Variants in ZNF438 observed in about 807,000 individuals in gnomAD.
ZNF438 encodes zinc finger protein 438.
A neutral mutation model predicts 38.0 loss-of-function variants in ZNF438; 25 were observed. The observed-to-expected ratio is 0.66, with a 90% CI of 0.48 to 0.92. The LOEUF (loss-of-function observed/expected upper bound fraction) is 0.92, where lower values mean the gene tolerates loss of function less well. Ranked by LOEUF, ZNF438 falls within the 40% of genes least tolerant of loss-of-function variation. The pLI is 0.00. For missense variants in ZNF438, 1,007 were observed against 999.6 expected (o/e 1.01, Z -0.10); for synonymous variants, 372 against 364.1 (o/e 1.02, Z -0.25).
rs1462508534 is a variant in ZNF438 at position 30,957,938 on chromosome 10, T to C, written c.-191-16287A>G. ...TATGATTTGGTCTTGGTAGGCTGTA[T>C]GACCTTTGACCTTCCTGTGCCTGGA... On this transcript the variant is annotated intron_variant, in intron 1 of 5. Coordinates refer to ENST00000413025, the Ensembl canonical transcript of ZNF438. Among the ~76,000 whole-genome samples, 2 of 144,818 alleles carry C rather than the reference T, an allele frequency of 1.4e-5. 1 individual carries two copies. The highest frequency in any genetic ancestry group is 3.2e-5 in the Non-Finnish European group (2 of 63,400).
intron 1 of ZNF438, among the ~76,000 whole-genome samples, chr10:30,960,407 T>C (rs1318408880): frequency 1.4e-5 from 2 of 147,412 alleles, no homozygotes; most frequent in African/African-American, 4.9e-5. Flanking sequence ...ATTTTAGCTC[T>C]TACATTTAGG....
At chr10:30,860,032 A>G (rs2035319597) in intron 4 of ZNF438, among the ~76,000 whole-genome samples, 2 of 152,184 alleles carry the variant, frequency 1.3e-5, no homozygotes, top group Non-Finnish European at 2.9e-5. Context: ...CATAGAATCT[A>G]GAATCCCTCT....
chr10:30,996,349 T>C (rs73254420), intron 1 of ZNF438, among the ~76,000 whole-genome samples: 1,838 of 152,130 alleles, frequency 0.012, 42 homozygotes, highest in African/African-American at 0.041. Flanking sequence ...ATCCCAACTA[T>C]ATAAAATCTA....
chr10:30,972,698 C>T (rs2050880519), intron 1 of ZNF438, among the ~76,000 whole-genome samples: 1 of 152,122 alleles, frequency 6.6e-6, no homozygotes, highest in South Asian at 2.1e-4. Context: ...AAGACCAAGA[C>T]TTCAATGATG....
intron 1 of ZNF438, among the ~76,000 whole-genome samples, chr10:30,984,784 A>G (rs2052590748): frequency 6.6e-6 from 1 of 152,210 alleles, no homozygotes; most frequent in South Asian, 2.1e-4. Flanking sequence ...TTCAGGGCGC[A>G]GCCTTTTTGA....
chr10:30,977,919 T>C (rs1245372177), intron 1 of ZNF438, among the ~76,000 whole-genome samples: 3 of 150,860 alleles, frequency 2.0e-5, no homozygotes, highest in Admixed American at 1.3e-4. Flanking sequence ...GAGGCCGAGG[T>C]TGCAGTGCAC....
intron 4 of ZNF438, among the ~76,000 whole-genome samples, chr10:30,872,902 A>G (rs1362875713): frequency 1.3e-5 from 2 of 152,214 alleles, no homozygotes; most frequent in Non-Finnish European, 2.9e-5. Flanking sequence ...TACAAACTTC[A>G]ATGGTCAATT....
intron 1 of ZNF438, among the ~76,000 whole-genome samples, chr10:30,968,271 T>A (rs1172552775): frequency 1.3e-5 from 2 of 152,078 alleles, no homozygotes; most frequent in Admixed American, 6.5e-5. Flanking sequence ...CCACCCTGGC[T>A]TATGTTTAAA....
intron 2 of ZNF438, among the ~76,000 whole-genome samples, chr10:30,913,858 G>T (rs1368070932): frequency 6.6e-6 from 1 of 152,126 alleles, no homozygotes; most frequent in Non-Finnish European, 1.5e-5. Flanking sequence ...TTAGGGAATA[G>T]AATGTTCCCA....
chr10:31,015,942 T>G (rs2056162091), intron 1 of ZNF438, among the ~76,000 whole-genome samples: 1 of 152,218 alleles, frequency 6.6e-6, no homozygotes, highest in Non-Finnish European at 1.5e-5. Context: ...GGGTCCATTC[T>G]TATGACCTTA....
At chr10:30,942,075 G>A (rs2046871139) in intron 1 of ZNF438, among the ~76,000 whole-genome samples, 2 of 152,156 alleles carry the variant, frequency 1.3e-5, no homozygotes, top group Admixed American at 6.5e-5. Context: ...ACTCTGTATC[G>A]AGGCGATGTA....
At chr10:30,942,951 C>T (rs1407591991) in intron 1 of ZNF438, among the ~76,000 whole-genome samples, 1 of 152,210 alleles carries the variant, frequency 6.6e-6, no homozygotes, top group Non-Finnish European at 1.5e-5. Context: ...TTACCAATCA[C>T]TAGTGACCTT....
rs747174290 is a variant in ZNF438, at chr10:30,866,294, T to C, written c.37+10704A>G. On this transcript the variant is annotated intron_variant, in intron 4 of 5. Transcript: ENST00000413025. The stretch of plus-strand genomic sequence containing the variant: ...TACTTTTTTCATGGAATACAATTTT[T>C]ACTTGAATAAAATGGCTGACAGACA... 2.0e-5 allele frequency among the ~76,000 whole-genome samples: 3 copies of C among 152,188 alleles called. No individual in the cohort carries two copies. In the East Asian group the frequency reaches 5.8e-4, roughly 29 times the overall value.
chr10:30,855,627 GA>G (rs1358870690), intron 4 of ZNF438, among the ~76,000 whole-genome samples: 2 of 152,088 alleles, frequency 1.3e-5, no homozygotes, highest in Non-Finnish European at 2.9e-5. Context: ...AAACAGAAGA[GA>G]AAAAACCCTC....
At chr10:30,852,634 T>C (rs1020092220) in intron 4 of ZNF438, among the ~76,000 whole-genome samples, 2 of 152,266 alleles carry the variant, frequency 1.3e-5, no homozygotes, top group African/African-American at 2.4e-5. Flanking sequence ...GAAATTTATA[T>C]TGACCAGTTT....
intron 4 of ZNF438, among the ~76,000 whole-genome samples, chr10:30,858,397 T>C (rs949389574): frequency 6.6e-6 from 1 of 152,184 alleles, no homozygotes; most frequent in Admixed American, 6.5e-5. Context: ...ATAAAAGCAA[T>C]GTCTCATAAC....
chr10:30,926,703 G>T (rs985337287), intron 2 of ZNF438, among the ~76,000 whole-genome samples: 1 of 151,252 alleles, frequency 6.6e-6, no homozygotes, highest in Non-Finnish European at 1.5e-5. Flanking sequence ...ACTTATCAAA[G>T]ATTATAAATA....
intron 4 of ZNF438, among the ~76,000 whole-genome samples, chr10:30,860,005 T>C (rs559410090): frequency 5.9e-5 from 9 of 152,122 alleles, no homozygotes; most frequent in African/African-American, 7.2e-5. Flanking sequence ...GCCCTTCATT[T>C]TCCCCCCGAG....
chr10:31,005,307 G>A (rs546563572), intron 1 of ZNF438, among the ~76,000 whole-genome samples: 17 of 152,280 alleles, frequency 1.1e-4, no homozygotes, highest in East Asian at 3.9e-4. Context: ...ATGCACGTAC[G>A]TAAATGGAAT....
Sources: allele counts gnomAD v4.1 joint callset (sites outside exome capture counted in the v4.1 genomes callset), GRCh38; gene constraint gnomAD v4.1.1; transcripts MANE v1.5; gene names NCBI Gene and HGNC (gene_info 2026-07-23, HGNC 2026-07-21).